KDM5A: variants seen among roughly 807,000 people sequenced by gnomAD.
The protein encoded by KDM5A is lysine demethylase 5A.
In KDM5A, 42 loss-of-function variants were observed where a neutral mutation model predicts 193.5. The ratio of observed to expected loss-of-function variants is 0.22; its 90% CI spans 0.17 to 0.28. KDM5A has a LOEUF of 0.28. KDM5A is among the 10% of genes least tolerant of loss of function. KDM5A has a pLI of 1.00. For synonymous variants in KDM5A, 796 were observed against 718.1 expected (o/e 1.11, Z -1.73); for missense variants, 1,692 against 2,055.1 (o/e 0.82, Z 3.42).
intron 5 of KDM5A, among the ~76,000 whole-genome samples, chr12:358,007 C>A (rs1248041453): frequency 6.6e-6 from 1 of 151,856 alleles, no homozygotes; most frequent in African/African-American, 2.4e-5. Flanking sequence ...AGAGCCTGGG[C>A]CCTTCACCAA....
At chr12:350,801 G>T in intron 9 of KDM5A, 22 bp from the exon 10 acceptor site, 1 of 1,608,450 alleles carries the variant, frequency 6.2e-7, no homozygotes, top group South Asian at 1.1e-5. Flanking sequence ...AAAAAAAGAT[G>T]ACAAATTATT....
chr12:306,382 T>C (rs1943507156), intron 24 of KDM5A, among the ~76,000 whole-genome samples: 1 of 152,218 alleles, frequency 6.6e-6, no homozygotes. Context: ...GTTTTTCTAG[T>C]TCCTCTAAGC....
At chr12:286,801 G>C (rs988405026) in intron 27 of KDM5A, among the ~76,000 whole-genome samples, 9 of 152,142 alleles carry the variant, frequency 5.9e-5, no homozygotes, top group African/African-American at 2.2e-4. Context: ...TTTTAGGCTT[G>C]TAATAAGGGG....
intron 12 of KDM5A, chr12:333,233 A>T: frequency 2.0e-6 from 1 of 489,704 alleles, no homozygotes. Context: ...AACCTGGGCA[A>T]CACAATAAGG....
intron 27 of KDM5A, among the ~76,000 whole-genome samples, chr12:292,499 G>T (rs1453701684): frequency 6.6e-6 from 1 of 152,162 alleles, no homozygotes; most frequent in Non-Finnish European, 1.5e-5. Context: ...TGCACTGTTT[G>T]CCAGGGAATG....
rs1943560119 is a variant in KDM5A, at chr12:309,786, G to A, written c.3378+17C>T. 3 of 1,613,418 alleles carry A rather than the reference G, an allele frequency of 1.9e-6. No individual in the cohort carries two copies. Among genetic ancestry groups the A allele is most frequent in the South Asian group, 1.1e-5 (1 of 91,062 alleles). On this transcript the variant is annotated intron_variant, in intron 22 of 27. Transcript: ENST00000399788. ...TGTATTCACCAAGCAAACTCAAGAT[G>A]CTAGGTAATTTCTTACCACCATGGC...
rs76721655 is a variant in KDM5A, at chr12:333,832, T to C, written c.1491-183A>G. 1.1e-3 allele frequency among the ~76,000 whole-genome samples: 168 copies of C among 152,324 alleles called. 2 individuals are homozygous for C. The highest frequency in any genetic ancestry group is 3.9e-3 in the African/African-American group (162 of 41,566). ...TTCACAATAGGAGGTAAGTAAATAG[T>C]AGTATGTATAGGCAGATACAAACTT... On this transcript the variant is annotated intron_variant, in intron 11 of 27. Coordinates refer to ENST00000399788, the MANE Select transcript of KDM5A (RefSeq NM_001042603.3).
Position 386,815 on chromosome 12 carries a change from C to G in KDM5A, c.166-841G>C, listed in dbSNP as rs139111456. On this transcript the variant is annotated intron_variant, in intron 1 of 27. Transcript: ENST00000399788. ...TCAAACCAGTCCCACCGTTTACCTC[C>G]CACAATTATGCTTTCCCAAGTTACT... 2.7e-3 allele frequency among the ~76,000 whole-genome samples: 417 copies of G among 152,152 alleles called. 3 individuals carry two copies. Among genetic ancestry groups the G allele is most frequent in the African/African-American group, 9.8e-3 (407 of 41,516 alleles).
chr12:289,016 A>T (rs1202229424), intron 27 of KDM5A, among the ~76,000 whole-genome samples: 1 of 152,238 alleles, frequency 6.6e-6, no homozygotes, highest in African/African-American at 2.4e-5. Context: ...CTGGAAATGC[A>T]AATACTTTGA....
At chr12:357,595 C>T (rs1021691408) in intron 5 of KDM5A, among the ~76,000 whole-genome samples, 8 of 151,592 alleles carry the variant, frequency 5.3e-5, no homozygotes, top group Admixed American at 1.3e-4. Flanking sequence ...TTTGGGAGGC[C>T]GAGGCGGGCG....
At chr12:387,085 A>C (rs1222709155) in intron 1 of KDM5A, among the ~76,000 whole-genome samples, 1 of 152,240 alleles carries the variant, frequency 6.6e-6, no homozygotes, top group African/African-American at 2.4e-5. Context: ...AATATTCAAA[A>C]AACACGCAGA....
chr12:332,258 T>A (rs930280077), intron 12 of KDM5A, among the ~76,000 whole-genome samples: 6 of 152,214 alleles, frequency 3.9e-5, no homozygotes, highest in African/African-American at 1.4e-4. Context: ...TTTATTCTTG[T>A]ATCGTAAATA....
chr12:365,589 T>C (rs1433799678), intron 4 of KDM5A, among the ~76,000 whole-genome samples: 2 of 152,156 alleles, frequency 1.3e-5, no homozygotes, highest in East Asian at 1.9e-4. Context: ...TGCATAAATG[T>C]AGAAATGTAT....
Position 285,668 on chromosome 12 carries a change from G to C in KDM5A, c.4867-6C>G. The C allele has an allele frequency of 6.2e-7, 1 of 1,612,538 alleles. No individual in the cohort carries two copies. The highest frequency in any genetic ancestry group is 8.5e-7 in the Non-Finnish European group (1 of 1,178,650). On this transcript the variant is annotated splice_region_variant and splice_polypyrimidine_tract_variant and intron_variant, in intron 27 of 27. Transcript: ENST00000399788. The stretch of plus-strand genomic sequence containing the variant: ...TCACATTGTACCCAGTCTACCTGTA[G>C]GAAACAAGATTGGGGAATGTTTAGG...
chr12:308,030 A>G (rs755908445), intron 22 of KDM5A, 25 bp from the exon 23 acceptor site: 2 of 1,609,442 alleles, frequency 1.2e-6, no homozygotes, highest in Non-Finnish European at 1.7e-6. Flanking sequence ...CATTTAATTG[A>G]AAAGAGTCAC....
chr12:319,148 T>C (rs1170725776), intron 18 of KDM5A, among the ~76,000 whole-genome samples: 1 of 152,230 alleles, frequency 6.6e-6, no homozygotes, highest in Non-Finnish European at 1.5e-5. Context: ...TTCATTCAAA[T>C]GGCTTTGGGG....
In KDM5A at chr12:333,378, C is replaced by T. The variant is rs150799134; in HGVS notation, c.1653+109G>A. 4.7e-3 allele frequency: 5,660 copies of T among 1,194,900 alleles called. 56 individuals are homozygous for T. Among genetic ancestry groups the T allele is most frequent in the South Asian group, 0.023 (1,841 of 78,860 alleles). The allele number at this position is 1,194,900 out of a possible 1,614,324, so 74.0% of individuals were successfully genotyped here. On this transcript the variant is annotated intron_variant, in intron 12 of 27. Transcript: ENST00000399788. ...AGGCTGCAATGAGCAATCATCGTGC[C>T]GCTGCACTCCAGCCTGGGCAACAGA...
intron 14 of KDM5A, among the ~76,000 whole-genome samples, chr12:328,541 A>G (rs971486943): frequency 1.3e-5 from 2 of 152,230 alleles, no homozygotes; most frequent in African/African-American, 4.8e-5. Context: ...GAAAAAAAAA[A>G]TGATTTAAAT....
chr12:288,173 T>C (rs1031309530), intron 27 of KDM5A, among the ~76,000 whole-genome samples: 6 of 152,162 alleles, frequency 3.9e-5, no homozygotes, highest in African/African-American at 1.2e-4. Context: ...CACAGCAACA[T>C]AAAGCAAACT....
Sources: gnomAD v4.1 joint callset for allele counts (sites outside exome capture counted in the v4.1 genomes callset) on GRCh38, gnomAD v4.1.1 for gene constraint, MANE v1.5 for transcripts, NCBI Gene and HGNC (gene_info 2026-07-23, HGNC 2026-07-21) for gene names.